HEMK1: variants seen among roughly 807,000 people sequenced by gnomAD.
The protein encoded by HEMK1 is MTRF1L release factor glutamine methyltransferase.
HEMK1 carries 36 observed loss-of-function variants against 47.9 expected under a neutral mutation model. That is an observed-to-expected ratio of 0.75 (90% confidence interval 0.58 to 0.99). The LOEUF (loss-of-function observed/expected upper bound fraction) is 0.99, where lower values mean the gene tolerates loss of function less well. HEMK1 is among the 50% of genes least tolerant of loss of function. The probability of loss-of-function intolerance (pLI) is 0.00; values close to 1 mark genes in which losing one functional copy is unlikely to be tolerated. For missense variants in HEMK1, 383 were observed against 434.5 expected (o/e 0.88, Z 1.05); for synonymous variants, 153 against 165.4 (o/e 0.93, Z 0.57).
chr3:50,580,076 G>C (rs1405010956), intron 9 of HEMK1, 40 bp from the exon 10 acceptor site: 1 of 1,575,676 alleles, frequency 6.3e-7, no homozygotes, highest in Non-Finnish European at 8.7e-7. Context: ...GCAGGCGCCA[G>C]ACCTGTCCTG....
At position 50,588,486 on chromosome 3, in the gene HEMK1, G is replaced by A. The variant is rs548528403; in HGVS notation, c.*8069G>A. The A allele has an allele frequency of 2.0e-5, 3 of 152,264 alleles. No individual in the cohort carries two copies. Among genetic ancestry groups the A allele is most frequent in the South Asian group, 2.1e-4 (1 of 4,832 alleles). 9.4% of individuals were successfully genotyped at this position (152,264 alleles called of 1,614,324 possible). ...GCCAGTTAGGTGCCCCACAGCCAAC[G>A]TGGGCTCCAGGGTGAAGGGGAAAGT... On this transcript the variant is annotated 3_prime_UTR_variant, in exon 11 of 11. Coordinates refer to ENST00000232854, the MANE Select transcript of HEMK1 (RefSeq NM_016173.5).
At chr3:50,577,317 C>T (rs1463119854) in intron 5 of HEMK1, 131 bp downstream of exon 5, 8 of 1,213,426 alleles carry the variant, frequency 6.6e-6, no homozygotes, top group African/African-American at 1.5e-5. Flanking sequence ...CAGGGCTGCC[C>T]CTAGCCCACT....
intron 8 of HEMK1, among the ~76,000 whole-genome samples, chr3:50,579,144 C>T (rs1428459340): frequency 6.6e-6 from 1 of 152,240 alleles, no homozygotes; most frequent in Non-Finnish European, 1.5e-5. Context: ...AGCCACCGAA[C>T]CTCTCTGGAC....
chr3:50,579,055 C>T lies in HEMK1; in HGVS notation c.770+129C>T, dbSNP rs536478669. 741 of 660,354 alleles carry T rather than the reference C, an allele frequency of 1.1e-3. 3 individuals carry two copies. The highest frequency in any genetic ancestry group is 7.3e-3 in the Middle Eastern group (18 of 2,478). 40.9% of individuals were successfully genotyped at this position (660,354 alleles called of 1,614,324 possible). A position where few individuals can be genotyped will look rare whatever the true frequency, so the allele number is the denominator to read the frequency against. Reference sequence around the variant, plus strand: ...GAAATGGGCAATGGTGTTAAGTTGACGCACTCGAGAGCCCACAGTCCTACC... The same window carrying T: ...GAAATGGGCAATGGTGTTAAGTTGATGCACTCGAGAGCCCACAGTCCTACC... On this transcript the variant is annotated intron_variant, in intron 8 of 10. Transcript: ENST00000232854.
At chr3:50,579,168 C>T (rs1243237408) in intron 8 of HEMK1, among the ~76,000 whole-genome samples, 1 of 152,202 alleles carries the variant, frequency 6.6e-6, no homozygotes, top group African/African-American at 2.4e-5. Flanking sequence ...TTTCCTGCCT[C>T]TAGAAAAAGA....
intron 2 of HEMK1, 128 bp from the exon 3 acceptor site, chr3:50,571,582 C>A: frequency 1.1e-6 from 1 of 912,636 alleles, no homozygotes; most frequent in Admixed American, 1.8e-5. Context: ...ATGCTGCCCC[C>A]TCTGGGCCCA....
At chr3:50,570,147 G>A (rs1039676955) in intron 1 of HEMK1, 3 of 152,244 alleles carry the variant, frequency 2.0e-5, no homozygotes, top group African/African-American at 7.2e-5. Flanking sequence ...GCTTGCCTGG[G>A]ACAGTTTCTA....
chr3:50,580,419 A>G lies in HEMK1; in HGVS notation c.*2A>G. Reference sequence around the variant, plus strand: ...CATATCCGGAGGTCTGGGCCATAGCATGGCTGCCCTGTGGATGCCTTGTCA... The same window carrying G: ...CATATCCGGAGGTCTGGGCCATAGCGTGGCTGCCCTGTGGATGCCTTGTCA... On this transcript the variant is annotated 3_prime_UTR_variant, in exon 11 of 11. Transcript: ENST00000232854. 2 of 1,614,032 alleles carry G rather than the reference A, an allele frequency of 1.2e-6. No homozygotes were observed. Among genetic ancestry groups the G allele is most frequent in the Non-Finnish European group, 1.7e-6 (2 of 1,179,982 alleles).
Position 50,588,893 on chromosome 3 carries a change from C to T in HEMK1, c.*8476C>T, listed in dbSNP as rs530558222. On this transcript the variant is annotated 3_prime_UTR_variant, in exon 11 of 11. Coordinates refer to ENST00000232854, the MANE Select transcript of HEMK1 (RefSeq NM_016173.5). The stretch of plus-strand genomic sequence containing the variant: ...ATAACTGACCATTGCTCACTACTCT[C>T]TTGGCCCGCACTGAAAGCCACTGTT... The T allele has an allele frequency of 9.8e-5, 15 of 152,374 alleles. No homozygotes were observed. Among genetic ancestry groups the T allele is most frequent in the African/African-American group, 3.6e-4 (15 of 41,576 alleles). 9.4% of individuals were successfully genotyped at this position (152,374 alleles called of 1,614,324 possible).
intron 2 of HEMK1, 43 bp downstream of exon 2, chr3:50,571,375 G>T: frequency 7.0e-7 from 1 of 1,424,838 alleles, no homozygotes; most frequent in Non-Finnish European, 9.6e-7. Flanking sequence ...AGGGAGGAGG[G>T]AGGACTTGGG....
At chr3:50,572,779 G>A (rs1429731327) in intron 4 of HEMK1, among the ~76,000 whole-genome samples, 1 of 152,246 alleles carries the variant, frequency 6.6e-6, no homozygotes, top group Non-Finnish European at 1.5e-5. Context: ...CTAGGGATGT[G>A]TGGCGCAAGT....
At chr3:50,576,698 C>A (rs138603941) in intron 4 of HEMK1, among the ~76,000 whole-genome samples, 1 of 152,336 alleles carries the variant, frequency 6.6e-6, no homozygotes, top group African/African-American at 2.4e-5. Context: ...CATGAGCCAC[C>A]GTGCCCAGCC....
intron 7 of HEMK1, among the ~76,000 whole-genome samples, chr3:50,578,542 C>T (rs2030176729): frequency 6.6e-6 from 1 of 152,198 alleles, no homozygotes; most frequent in South Asian, 2.1e-4. Context: ...GGGAGGACGC[C>T]CTGGAAGTGG....
chr3:50,576,968 A>C, intron 4 of HEMK1, 84 bp from the exon 5 acceptor site: 1 of 1,530,188 alleles, frequency 6.5e-7, no homozygotes, highest in Non-Finnish European at 8.9e-7. Context: ...CTACGTTCAC[A>C]AGGGTAACTG....
rs796410238 is a variant in HEMK1 at position 50,592,102 on chromosome 3, GAAA to G, written c.*11697_*11699del. 7.6e-5 allele frequency: 9 copies of G among 118,538 alleles called. No homozygotes were observed. The highest frequency in any genetic ancestry group is 1.4e-4 in the Non-Finnish European group (8 of 55,468). 7.3% of individuals were successfully genotyped at this position (118,538 alleles called of 1,614,324 possible). Reference sequence around the variant, plus strand: ...GACGACAGAGTGAGACTCCGCATCAGAAAAAAAAAAAAAAGAAAGAAAAGAGAG... The same window carrying G: ...GACGACAGAGTGAGACTCCGCATCAGAAAAAAAAAAAGAAAGAAAAGAGAG... On this transcript the variant is annotated 3_prime_UTR_variant, in exon 11 of 11. Transcript: ENST00000232854.
chr3:50,577,336 C>T (rs1039502514), intron 5 of HEMK1, 150 bp downstream of exon 5: 1 of 1,148,806 alleles, frequency 8.7e-7, no homozygotes, highest in Non-Finnish European at 1.3e-6. Context: ...CTGTGGTTCA[C>T]AGACTCTAAC....
chr3:50,569,731 G>GT (rs1352498765), intron 1 of HEMK1, 157 bp downstream of exon 1: 2 of 152,458 alleles, frequency 1.3e-5, no homozygotes, highest in African/African-American at 4.8e-5. Context: ...CTGTGAGGGA[G>GT]TTTACACTTC....
At chr3:50,578,961 G>C (rs746978334) in intron 8 of HEMK1, 35 bp downstream of exon 8, 2 of 1,486,978 alleles carry the variant, frequency 1.3e-6, no homozygotes, top group Non-Finnish European at 1.9e-6. Flanking sequence ...GGCCAGGCCT[G>C]AAAAGGCCTG....
Position 50,584,035 on chromosome 3 carries a change from G to C in HEMK1, c.*3618G>C, listed in dbSNP as rs990704869. On this transcript the variant is annotated 3_prime_UTR_variant, in exon 11 of 11. Transcript: ENST00000232854. ...GCAGCCCATGTATTCCGGTCATTAGGGATGGGAAGCCATGAGGACCTGGCC... is the reference window on the plus strand; with the variant it reads ...GCAGCCCATGTATTCCGGTCATTAGCGATGGGAAGCCATGAGGACCTGGCC... The C allele has an allele frequency of 1.3e-5, 2 of 152,236 alleles. No individual in the cohort carries two copies. The highest frequency in any genetic ancestry group is 2.9e-5 in the Non-Finnish European group (2 of 68,054). 9.4% of individuals were successfully genotyped at this position (152,236 alleles called of 1,614,324 possible).
Sources: allele counts gnomAD v4.1 joint callset (sites outside exome capture counted in the v4.1 genomes callset), GRCh38; gene constraint gnomAD v4.1.1; transcripts MANE v1.5; gene names NCBI Gene and HGNC (gene_info 2026-07-23, HGNC 2026-07-21).